DCC: variants seen among roughly 807,000 people sequenced by gnomAD.
The protein encoded by DCC is DCC netrin 1 receptor, also known as netrin receptor DCC.
A neutral mutation model predicts 172.5 loss-of-function variants in DCC; 58 were observed. That is an observed-to-expected ratio of 0.34 (90% CI 0.27 to 0.42). The LOEUF (loss-of-function observed/expected upper bound fraction) is 0.42, where lower values mean the gene tolerates loss of function less well. DCC is among the 10% of genes least tolerant of loss of function. DCC has a pLI of 1.00. For missense variants in DCC, 1,740 were observed against 1,791.0 expected (o/e 0.97, Z 0.51); for synonymous variants, 709 against 644.5 (o/e 1.10, Z -1.52).
intron 14 of DCC, among the ~76,000 whole-genome samples, chr18:53,333,753 T>C (rs1280853371): frequency 6.6e-6 from 1 of 152,206 alleles, no homozygotes; most frequent in Non-Finnish European, 1.5e-5. Context: ...TGATCTTAAT[T>C]GCAGTTTTCT....
chr18:52,642,164 G>A (rs748222565), intron 1 of DCC, among the ~76,000 whole-genome samples: 6 of 151,560 alleles, frequency 4.0e-5, no homozygotes, highest in African/African-American at 7.3e-5. Context: ...AATTAACAGC[G>A]TTTGCGGTGA....
intron 15 of DCC, 55 bp from the exon 16 acceptor site, chr18:53,385,988 A>G: frequency 1.7e-6 from 2 of 1,173,972 alleles, no homozygotes; most frequent in Non-Finnish European, 2.6e-6. Flanking sequence ...TGCCTTGAGT[A>G]TTTTGATACA....
intron 12 of DCC, among the ~76,000 whole-genome samples, chr18:53,237,350 A>G (rs970500749): frequency 6.6e-6 from 1 of 152,290 alleles, no homozygotes; most frequent in Non-Finnish European, 1.5e-5. Context: ...AGTGTTTTAT[A>G]TATCTTGGCA....
chr18:53,222,559 CT>C (rs139707148), intron 12 of DCC, among the ~76,000 whole-genome samples: 2 of 150,682 alleles, frequency 1.3e-5, no homozygotes, highest in African/African-American at 2.4e-5. Flanking sequence ...TAATTTTTTA[CT>C]TTTTTTTAGT....
At chr18:52,962,907 A>G (rs1322909129) in intron 5 of DCC, among the ~76,000 whole-genome samples, 5 of 146,368 alleles carry the variant, frequency 3.4e-5, no homozygotes, top group African/African-American at 1.3e-4. Context: ...TTGAACAATG[A>G]GAACACATGG....
At chr18:52,603,593 C>CACAG (rs763478511) in intron 1 of DCC, among the ~76,000 whole-genome samples, 1 of 78,312 alleles carries the variant, frequency 1.3e-5, no homozygotes, top group East Asian at 2.1e-4. Flanking sequence ...GAAGTTAATA[C>CACAG]ACACACACAC....
chr18:53,430,828 C>A (rs1911565871), intron 21 of DCC, among the ~76,000 whole-genome samples: 1 of 152,044 alleles, frequency 6.6e-6, no homozygotes, highest in Admixed American at 6.6e-5. Context: ...GAACAGACTT[C>A]CTAAAGGAAG....
At chr18:53,026,652 C>G (rs1376430820) in intron 5 of DCC, among the ~76,000 whole-genome samples, 1 of 152,114 alleles carries the variant, frequency 6.6e-6, no homozygotes, top group African/African-American at 2.4e-5. Context: ...AACTTCTGGG[C>G]TCAAGCGAGC....
intron 1 of DCC, among the ~76,000 whole-genome samples, chr18:52,427,474 C>G (rs117728843): frequency 6.6e-6 from 1 of 151,914 alleles, no homozygotes; most frequent in Non-Finnish European, 1.5e-5. Flanking sequence ...CAGTTATACC[C>G]AACAAGATGT....
intron 1 of DCC, among the ~76,000 whole-genome samples, chr18:52,661,457 T>A (rs1056186276): frequency 3.9e-5 from 6 of 152,172 alleles, no homozygotes; most frequent in African/African-American, 1.2e-4. Flanking sequence ...AGGGACTAAG[T>A]GAAAGGCAGG....
chr18:52,504,495 CCTT>C (rs1160208705), intron 1 of DCC, among the ~76,000 whole-genome samples: 1 of 152,118 alleles, frequency 6.6e-6, no homozygotes, highest in Non-Finnish European at 1.5e-5. Flanking sequence ...GCTAGGGCCT[CCTT>C]AGACTGATGT....
intron 7 of DCC, among the ~76,000 whole-genome samples, chr18:53,115,868 T>C (rs2043401339): frequency 6.6e-6 from 1 of 151,660 alleles, no homozygotes; most frequent in Non-Finnish European, 1.5e-5. Context: ...TTTCTTACTA[T>C]ACTGTATTCT....
At chr18:53,360,596 T>C (rs2057935195) in intron 15 of DCC, among the ~76,000 whole-genome samples, 2 of 152,122 alleles carry the variant, frequency 1.3e-5, no homozygotes, top group African/African-American at 2.4e-5. Context: ...ATTTAAAAAA[T>C]AGAAGCTTGT....
intron 5 of DCC, among the ~76,000 whole-genome samples, chr18:53,052,839 C>A (rs555547724): frequency 3.3e-5 from 5 of 152,102 alleles, no homozygotes; most frequent in African/African-American, 1.2e-4. Context: ...GTAATTGCAA[C>A]TTCTTCTCAA....
At chr18:52,372,366 G>A in intron 1 of DCC, among the ~76,000 whole-genome samples, 1 of 152,186 alleles carries the variant, frequency 6.6e-6, no homozygotes, top group Non-Finnish European at 1.5e-5. Flanking sequence ...CTGTTTGAGA[G>A]TCCATGCATT....
At chr18:52,569,098 A>T (rs2094911040) in intron 1 of DCC, among the ~76,000 whole-genome samples, 1 of 152,208 alleles carries the variant, frequency 6.6e-6, no homozygotes, top group African/African-American at 2.4e-5. Flanking sequence ...TAATAACAAG[A>T]TAGATCATAA....
intron 13 of DCC, among the ~76,000 whole-genome samples, chr18:53,321,616 T>G (rs1442809502): frequency 6.6e-6 from 1 of 152,242 alleles, no homozygotes; most frequent in African/African-American, 2.4e-5. Context: ...GCATTTTCTT[T>G]GGATTCTTGA....
intron 5 of DCC, among the ~76,000 whole-genome samples, chr18:53,001,930 A>T (rs1468744971): frequency 6.6e-6 from 1 of 152,140 alleles, no homozygotes; most frequent in Non-Finnish European, 1.5e-5. Flanking sequence ...TGGAGTAGTA[A>T]AAGAAACATT....
intron 8 of DCC, among the ~76,000 whole-genome samples, chr18:53,167,243 A>G (rs1228221222): frequency 6.6e-6 from 1 of 152,220 alleles, no homozygotes; most frequent in Admixed American, 6.6e-5. Flanking sequence ...TGCATGTTAG[A>G]GACTTGCTAC....
Sources: allele counts gnomAD v4.1 joint callset (sites outside exome capture counted in the v4.1 genomes callset), GRCh38; gene constraint gnomAD v4.1.1; transcripts MANE v1.5; gene names NCBI Gene and HGNC (gene_info 2026-07-23, HGNC 2026-07-21).